The following PCDH15 variants were observed in gnomAD, a reference collection of about 807,000 sequenced individuals.
The protein encoded by PCDH15 is protocadherin-15.
In PCDH15, 129 loss-of-function variants were observed where a neutral mutation model predicts 178.5. The observed-to-expected ratio is 0.72, with a 90% confidence interval of 0.63 to 0.84. The LOEUF (loss-of-function observed/expected upper bound fraction) is 0.84, where lower values mean the gene tolerates loss of function less well. Ranked by LOEUF, PCDH15 falls within the 40% of genes least tolerant of loss-of-function variation. The pLI is 0.00. For synonymous variants in PCDH15, 800 were observed against 732.0 expected (o/e 1.09, Z -1.50); for missense variants, 2,230 against 2,099.9 (o/e 1.06, Z -1.21).
intron 2 of PCDH15, among the ~76,000 whole-genome samples, chr10:54,999,599 T>C (rs4317894): frequency 0.73 from 111,399 of 152,022 alleles, 40,956 homozygotes; most frequent in East Asian, 0.87. Flanking sequence ...GAGGTGCAGC[T>C]GGTGCTGCGT....
intron 21 of PCDH15, among the ~76,000 whole-genome samples, chr10:53,964,988 T>C (rs765870200): frequency 6.6e-6 from 1 of 152,114 alleles, no homozygotes; most frequent in Non-Finnish European, 1.5e-5. Context: ...TTTTACTATG[T>C]ATCAGACTGC....
At chr10:53,836,969 A>AAAGATAAAAAGATGAAGAATT (rs1394941340) in intron 29 of PCDH15, among the ~76,000 whole-genome samples, 1 of 152,066 alleles carries the variant, frequency 6.6e-6, no homozygotes, top group East Asian at 1.9e-4. Flanking sequence ...ATCTTTCTAA[A>AAAGATAAAAAGATGAAGAATT]AAGATAAAAA....
At chr10:54,348,015 A>AT (rs1943586159) in intron 5 of PCDH15, among the ~76,000 whole-genome samples, 2 of 151,492 alleles carry the variant, frequency 1.3e-5, no homozygotes, top group African/African-American at 4.9e-5. Context: ...CGCCCGGCTA[A>AT]TTTTTTGTAT....
At chr10:54,581,259 T>G (rs1203250859) in intron 2 of PCDH15, among the ~76,000 whole-genome samples, 1 of 152,024 alleles carries the variant, frequency 6.6e-6, no homozygotes, top group East Asian at 1.9e-4. Flanking sequence ...AGAATAAAAA[T>G]TCAACATACA....
At chr10:55,000,570 G>A (rs1334007591) in intron 2 of PCDH15, among the ~76,000 whole-genome samples, 7 of 152,170 alleles carry the variant, frequency 4.6e-5, no homozygotes, top group Admixed American at 1.3e-4. Context: ...TGAAAATGAC[G>A]GGATTAAGAG....
chr10:53,894,459 TGA>T (rs1312529561), intron 26 of PCDH15, among the ~76,000 whole-genome samples: 2 of 152,170 alleles, frequency 1.3e-5, no homozygotes, highest in Non-Finnish European at 2.9e-5. Flanking sequence ...CTTGAAACCA[TGA>T]GAGAGTTTCC....
intron 10 of PCDH15, among the ~76,000 whole-genome samples, chr10:54,199,923 CA>C (rs919444688): frequency 6.0e-5 from 9 of 149,656 alleles, no homozygotes; most frequent in African/African-American, 1.7e-4. Flanking sequence ...AAACTGAAGC[CA>C]AAAAAAATGA....
At chr10:54,979,536 AT>A (rs1343801709) in intron 2 of PCDH15, among the ~76,000 whole-genome samples, 1 of 151,978 alleles carries the variant, frequency 6.6e-6, no homozygotes, top group East Asian at 1.9e-4. Flanking sequence ...AGACGTGGTG[AT>A]ACGTGCCTGT....
chr10:54,760,703 T>A (rs551748535), intron 1 of PCDH15, among the ~76,000 whole-genome samples: 4 of 152,130 alleles, frequency 2.6e-5, no homozygotes, highest in Non-Finnish European at 5.9e-5. Flanking sequence ...TTTGAGATGT[T>A]TAGAATTAAA....
intron 2 of PCDH15, among the ~76,000 whole-genome samples, chr10:54,938,450 G>A (rs1224213281): frequency 6.6e-6 from 1 of 152,060 alleles, no homozygotes; most frequent in Non-Finnish European, 1.5e-5. Context: ...AGAATGGGTT[G>A]GGATGTAATA....
At chr10:55,464,654 A>ATATG (rs1158900692) in intron 2 of PCDH15, among the ~76,000 whole-genome samples, 21 of 13,802 alleles carry the variant, frequency 1.5e-3, no homozygotes, top group South Asian at 6.4e-3. Flanking sequence ...ATATATATAT[A>ATATG]TGTGTGTGTG....
intron 23 of PCDH15, among the ~76,000 whole-genome samples, chr10:53,947,410 G>A (rs2086663803): frequency 6.6e-6 from 1 of 152,026 alleles, no homozygotes. Flanking sequence ...GATTCAATCT[G>A]GCTCTATTGC....
At chr10:54,504,785 G>T (rs2081027917) in intron 3 of PCDH15, among the ~76,000 whole-genome samples, 1 of 152,062 alleles carries the variant, frequency 6.6e-6, no homozygotes, top group South Asian at 2.1e-4. Context: ...AGAGGAGAAA[G>T]ATCTTGGATG....
At chr10:55,411,312 A>C (rs1000720405) in intron 2 of PCDH15, among the ~76,000 whole-genome samples, 8 of 152,126 alleles carry the variant, frequency 5.3e-5, no homozygotes, top group Non-Finnish European at 4.4e-5. Flanking sequence ...CATAATACCC[A>C]GCACAAAACA....
At chr10:54,140,621 A>T (rs12256914) in intron 14 of PCDH15, among the ~76,000 whole-genome samples, 1 of 146,702 alleles carries the variant, frequency 6.8e-6, no homozygotes, top group African/African-American at 2.5e-5. Flanking sequence ...AGGTGCTGCC[A>T]CCTCACCTGG....
intron 2 of PCDH15, among the ~76,000 whole-genome samples, chr10:55,493,598 G>A (rs1034168521): frequency 7.3e-5 from 11 of 151,382 alleles, no homozygotes; most frequent in African/African-American, 2.2e-4. Flanking sequence ...ATTTGAGCCA[G>A]AAGGATGACA....
chr10:54,006,112 C>T (rs1361737528), intron 20 of PCDH15, among the ~76,000 whole-genome samples: 9 of 152,210 alleles, frequency 5.9e-5, no homozygotes, highest in Admixed American at 3.9e-4. Flanking sequence ...TTCTTTACTA[C>T]GTAGATATAC....
chr10:54,485,840 G>A (rs1309976548), intron 3 of PCDH15, among the ~76,000 whole-genome samples: 1 of 152,004 alleles, frequency 6.6e-6, no homozygotes, highest in East Asian at 1.9e-4. Flanking sequence ...AATTCTCGAG[G>A]CATAGCCTGG....
chr10:54,731,555 T>TAG (rs1473837449), intron 1 of PCDH15, among the ~76,000 whole-genome samples: 2 of 45,608 alleles, frequency 4.4e-5, no homozygotes, highest in Non-Finnish European at 1.0e-4. Context: ...GATATATATA[T>TAG]ATATATATAC....
Sources: allele counts gnomAD v4.1 joint callset (sites outside exome capture counted in the v4.1 genomes callset), GRCh38; gene constraint gnomAD v4.1.1; transcripts MANE v1.5; gene names NCBI Gene and HGNC (gene_info 2026-07-23, HGNC 2026-07-21).